TPX2: variants seen among roughly 807,000 people sequenced by gnomAD.
The protein encoded by TPX2 is targeting protein for Xklp2.
Under a neutral mutation model 93.6 loss-of-function variants are expected in TPX2, and 21 were observed. The ratio of observed to expected loss-of-function variants is 0.22; its 90% confidence interval spans 0.16 to 0.32. The LOEUF (loss-of-function observed/expected upper bound fraction) is 0.32. Among genes scored for constraint, TPX2 ranks in the 10% least tolerant of loss-of-function variants. The pLI is 1.00. For missense variants in TPX2, 776 were observed against 871.1 expected (o/e 0.89, Z 1.37); for synonymous variants, 281 against 298.3 (o/e 0.94, Z 0.60).
chr20:31,769,714 T>A (rs1487854892), intron 5 of TPX2, among the ~76,000 whole-genome samples: 1 of 152,166 alleles, frequency 6.6e-6, no homozygotes, highest in Admixed American at 6.6e-5. Context: ...GTCTTCCACT[T>A]TGTAGTCATT....
intron 2 of TPX2, among the ~76,000 whole-genome samples, chr20:31,743,108 G>A (rs1174032973): frequency 6.6e-6 from 1 of 152,140 alleles, no homozygotes; most frequent in Admixed American, 6.5e-5. Flanking sequence ...CAGCTACTTG[G>A]GAGACTGAGG....
chr20:31,766,594 C>G lies in TPX2; in HGVS notation c.268C>G (p.Leu90Val). The G allele has an allele frequency of 1.9e-6, 3 of 1,612,936 alleles. No individual in the cohort carries two copies. The highest frequency in any genetic ancestry group is 1.7e-6 in the Non-Finnish European group (2 of 1,179,592). ...TYYKEAEKEN[L>V]VEQSIPSNAC... The stretch of plus-strand genomic sequence containing the variant: ...CTACAAAGAGGCAGAAAAAGAAAAT[C>G]TTGTGGAACAATCCATTCCGTCAAA... The change falls in exon 5 of 18, where the codon CTT (leucine) becomes GTT (valine). Residue 90 changes from leucine to valine, a missense_variant. Leu to Val is a conservative substitution (Grantham distance 32). Around this residue, in one of 3 missense-constraint regions of TPX2, gnomAD observed 279 missense variants for 261.6 expected, o/e 1.07. Coordinates refer to ENST00000300403, the MANE Select transcript of TPX2 (RefSeq NM_012112.5).
chr20:31,777,388 C>G, intron 8 of TPX2, 99 bp from the exon 9 acceptor site: 3 of 1,426,400 alleles, frequency 2.1e-6, no homozygotes, highest in Non-Finnish European at 2.8e-6. Context: ...AAAGTTAGAT[C>G]CATGGTGACA....
At chr20:31,767,153 TA>T (rs972451729) in intron 5 of TPX2, among the ~76,000 whole-genome samples, 1 of 151,934 alleles carries the variant, frequency 6.6e-6, no homozygotes, top group African/African-American at 2.4e-5. Flanking sequence ...TGGTATAAAT[TA>T]AAAAAAATCT....
intron 11 of TPX2, 145 bp downstream of exon 11, chr20:31,782,535 C>G: frequency 9.5e-7 from 1 of 1,050,080 alleles, no homozygotes; most frequent in Non-Finnish European, 1.3e-6. Context: ...ACGCCCCTGC[C>G]TATATGATTT....
chr20:31,770,382 G>C lies in TPX2; in HGVS notation c.396G>C (p.Gln132His). The change falls in exon 6 of 18, where the codon CAG becomes CAC. Residue 132 changes from glutamine to histidine, a missense_variant. Physicochemically the swap from Gln to His is conservative, Grantham distance 24. Around this residue, in one of 3 missense-constraint regions of TPX2, gnomAD observed 279 missense variants for 261.6 expected, o/e 1.07. Transcript: ENST00000300403. ...LRLSAQKDLE[Q>H]KEKHHVKMKA... ...TTTCTGCTCAGAAGGATTTGGAACA[G>C]AAAGAAAAGCATCATGTAAAAATGA... 1 of 1,605,600 alleles carries C rather than the reference G, an allele frequency of 6.2e-7. No individual in the cohort carries two copies. Among genetic ancestry groups the C allele is most frequent in the Non-Finnish European group, 8.5e-7 (1 of 1,175,486 alleles).
chr20:31,769,263 T>A (rs2061948794), intron 5 of TPX2, among the ~76,000 whole-genome samples: 1 of 151,124 alleles, frequency 6.6e-6, no homozygotes, highest in Admixed American at 6.6e-5. Flanking sequence ...CATACCATGT[T>A]TACGTAATAC....
Position 31,799,921 on chromosome 20 carries a change from AG to A in TPX2, c.2134-1048del, listed in dbSNP as rs2062159914. ...TCAAAAAAAAAAAAAAAAAAAAAAA[AG>A]AAGTGTAAGTTGTTGAGGTTTTGTC... On this transcript the variant is annotated intron_variant, in intron 17 of 17. Transcript: ENST00000300403. 2.7e-5 allele frequency among the ~76,000 whole-genome samples: 4 copies of A among 147,414 alleles called. No homozygotes were observed. In the South Asian group the frequency reaches 6.4e-4, roughly 24 times the overall value.
At chr20:31,797,317 C>T in intron 15 of TPX2, 87 bp from the exon 16 acceptor site, 1 of 1,131,066 alleles carries the variant, frequency 8.8e-7, no homozygotes. Context: ...ATTGATGAAG[C>T]AGTTCAGACA....
chr20:31,794,890 G>T (rs548639683), intron 15 of TPX2, among the ~76,000 whole-genome samples: 1 of 151,410 alleles, frequency 6.6e-6, no homozygotes, highest in African/African-American at 2.4e-5. Context: ...GCACAATCTC[G>T]GCTCACTGCA....
At position 31,801,048 on chromosome 20, in the gene TPX2, T is replaced by C. The variant is rs2062168208; in HGVS notation, c.2212T>C (p.Ser738Pro). The C allele has an allele frequency of 1.2e-6, 2 of 1,614,180 alleles. No individual in the cohort carries two copies. Among genetic ancestry groups the C allele is most frequent in the Non-Finnish European group, 1.7e-6 (2 of 1,180,020 alleles). ...SSDQPLTVPV[S>P]PKFSTRFHC ...TGACCAGCCTCTGACTGTGCCTGTA[T>C]CTCCCAAATTCTCCACTCGATTCCA... Residue 738 changes from serine (S) to proline (P), a missense_variant, in exon 18 of 18, where the codon TCT (serine) becomes CCT (proline). Physicochemically the swap from Ser to Pro is moderately conservative, Grantham distance 74 (BLOSUM62 -1). Coordinates refer to ENST00000300403, the MANE Select transcript of TPX2 (RefSeq NM_012112.5).
chr20:31,759,844 T>A (rs1318025879), intron 3 of TPX2, among the ~76,000 whole-genome samples: 2 of 152,062 alleles, frequency 1.3e-5, no homozygotes, highest in Non-Finnish European at 1.5e-5. Flanking sequence ...TATAATACAT[T>A]GTTCAATGTT....
chr20:31,759,005 A>T (rs976960055), intron 3 of TPX2, among the ~76,000 whole-genome samples: 10 of 151,704 alleles, frequency 6.6e-5, no homozygotes, highest in Non-Finnish European at 1.2e-4. Flanking sequence ...AAACATTTTT[A>T]TTTTTTTTTC....
intron 17 of TPX2, among the ~76,000 whole-genome samples, 167 bp downstream of exon 17, chr20:31,798,719 T>A (rs529069605): frequency 6.6e-6 from 1 of 152,288 alleles, no homozygotes; most frequent in Non-Finnish European, 1.5e-5. Context: ...AGTTGAGTTG[T>A]GAATGAAGCT....
At chr20:31,741,355 A>G (rs1399606670) in intron 1 of TPX2, among the ~76,000 whole-genome samples, 2 of 147,758 alleles carry the variant, frequency 1.4e-5, no homozygotes, top group Non-Finnish European at 3.0e-5. Context: ...TCTGTCGCCC[A>G]GGCTGGAGTG....
intron 5 of TPX2, among the ~76,000 whole-genome samples, chr20:31,768,991 G>A (rs769687302): frequency 6.6e-6 from 1 of 152,114 alleles, no homozygotes; most frequent in Non-Finnish European, 1.5e-5. Context: ...ATATTATACA[G>A]CAATGAAAGT....
At chr20:31,792,288 G>A (rs2062107000) in intron 12 of TPX2, among the ~76,000 whole-genome samples, 1 of 152,158 alleles carries the variant, frequency 6.6e-6, no homozygotes, top group Non-Finnish European at 1.5e-5. Context: ...GAGCCCAGGA[G>A]GCAGAGGTTA....
chr20:31,761,197 A>G (rs1289877037), intron 4 of TPX2, among the ~76,000 whole-genome samples: 1 of 130,690 alleles, frequency 7.7e-6, no homozygotes, highest in African/African-American at 2.9e-5. Flanking sequence ...CCTTCAATTA[A>G]TTTTTTTTTT....
At position 31,786,398 on chromosome 20, in the gene TPX2, C is replaced by CTGTTTTTTTTTTTTT. The variant is rs1392550816; in HGVS notation, c.1413+2479_1413+2493dup. ...CATAGCATCAGTCACACCTGAACTA[C>CTGTTTTTTTTTTTTT]TGTTTTTTTTTTTTTTTGAGACAAT... is the stretch of plus-strand genomic sequence containing the variant. On this transcript the variant is annotated intron_variant, in intron 12 of 17. Transcript: ENST00000300403. 9.2e-4 allele frequency among the ~76,000 whole-genome samples: 91 copies of CTGTTTTTTTTTTTTT among 99,444 alleles called. 1 individual carries two copies. The highest frequency in any genetic ancestry group is 4.8e-3 in the African/African-American group (87 of 18,170). 65.2% of individuals were successfully genotyped at this position (99,444 alleles called of 152,430 possible).
Sources: allele counts gnomAD v4.1 joint callset (sites outside exome capture counted in the v4.1 genomes callset), GRCh38; gene constraint gnomAD v4.1.1; regional missense constraint gnomAD v4.1.1; transcripts MANE v1.5; gene names NCBI Gene and HGNC (gene_info 2026-07-23, HGNC 2026-07-21).